GMDS: variants seen among roughly 807,000 people sequenced by gnomAD.
GMDS encodes the protein GDP-mannose 4,6 dehydratase.
A neutral mutation model predicts 49.9 loss-of-function variants in GMDS; 20 were observed. The observed-to-expected ratio is 0.40, with a 90% CI of 0.28 to 0.58. The LOEUF (loss-of-function observed/expected upper bound fraction) is 0.58. Among genes scored for constraint, GMDS ranks in the 20% least tolerant of loss-of-function variants. The probability of loss-of-function intolerance (pLI) is 0.42; values close to 1 mark genes in which losing one functional copy is unlikely to be tolerated. For missense variants in GMDS, 362 were observed against 481.4 expected (o/e 0.75, Z 2.32); for synonymous variants, 177 against 178.6 (o/e 0.99, Z 0.07).
At chr6:1,980,435 A>T (rs199870466) in intron 4 of GMDS, among the ~76,000 whole-genome samples, 1 of 116,936 alleles carries the variant, frequency 8.6e-6, no homozygotes, top group Non-Finnish European at 2.0e-5. Flanking sequence ...CAAAGATTAA[A>T]AAAAAAAAAG....
intron 1 of GMDS, among the ~76,000 whole-genome samples, chr6:2,157,248 T>G (rs1188776451): frequency 1.3e-5 from 2 of 152,222 alleles, no homozygotes; most frequent in African/African-American, 4.8e-5. Flanking sequence ...AGACTCTGCA[T>G]GTCTTACAGG....
At chr6:1,939,611 A>G (rs1373015293) in intron 6 of GMDS, among the ~76,000 whole-genome samples, 3 of 151,162 alleles carry the variant, frequency 2.0e-5, no homozygotes, top group Non-Finnish European at 4.4e-5. Context: ...ATACACATAC[A>G]CACACACAGA....
chr6:2,119,137 T>C (rs1399708774), intron 2 of GMDS, among the ~76,000 whole-genome samples: 1 of 152,126 alleles, frequency 6.6e-6, no homozygotes, highest in Non-Finnish European at 1.5e-5. Flanking sequence ...AGAATAACAA[T>C]AGTGTTATTT....
chr6:1,824,354 C>T (rs551175160), intron 7 of GMDS, among the ~76,000 whole-genome samples: 1 of 152,304 alleles, frequency 6.6e-6, no homozygotes, highest in East Asian at 1.9e-4. Context: ...TGCACTTCTA[C>T]ACTTTCTACA....
At chr6:1,754,534 C>A (rs973068934) in intron 7 of GMDS, among the ~76,000 whole-genome samples, 13 of 152,160 alleles carry the variant, frequency 8.5e-5, no homozygotes, top group African/African-American at 2.7e-4. Context: ...TTTTATGAGG[C>A]CAGCATCATC....
At chr6:2,187,808 T>C (rs916077668) in intron 1 of GMDS, among the ~76,000 whole-genome samples, 2 of 152,232 alleles carry the variant, frequency 1.3e-5, no homozygotes, top group Non-Finnish European at 2.9e-5. Flanking sequence ...AATTATTTTA[T>C]TCAAGGAGAC....
intron 2 of GMDS, among the ~76,000 whole-genome samples, chr6:2,119,588 T>A (rs1401368096): frequency 6.6e-6 from 1 of 152,204 alleles, no homozygotes; most frequent in Non-Finnish European, 1.5e-5. Context: ...AACTGCACAA[T>A]CTAGTTAAGA....
chr6:1,845,736 T>C (rs772929937), intron 7 of GMDS, among the ~76,000 whole-genome samples: 1 of 152,158 alleles, frequency 6.6e-6, no homozygotes, highest in Non-Finnish European at 1.5e-5. Context: ...GCGCATAACC[T>C]AGCTCTCTTG....
At chr6:2,068,569 C>T (rs987353279) in intron 4 of GMDS, among the ~76,000 whole-genome samples, 2 of 151,952 alleles carry the variant, frequency 1.3e-5, no homozygotes, top group African/African-American at 4.8e-5. Flanking sequence ...TCAGCAAAGT[C>T]TCAGGATACA....
chr6:2,151,884 T>G lies in GMDS; in HGVS notation c.103-27153A>C, dbSNP rs560688215. ...GATTTTTTCTTATGACAAATTAAAA[T>G]TAGATATAACTATTATTTTTAAATG... On this transcript the variant is annotated intron_variant, in intron 1 of 10. Coordinates refer to ENST00000380815, the MANE Select transcript of GMDS (RefSeq NM_001500.4). 4.1e-4 allele frequency among the ~76,000 whole-genome samples: 62 copies of G among 152,248 alleles called. 1 individual carries two copies. Among genetic ancestry groups the G allele is most frequent in the African/African-American group, 1.3e-3 (55 of 41,576 alleles).
At chr6:2,227,085 T>C (rs760301645) in intron 1 of GMDS, among the ~76,000 whole-genome samples, 1 of 152,110 alleles carries the variant, frequency 6.6e-6, no homozygotes, top group Non-Finnish European at 1.5e-5. Flanking sequence ...GTTGTTTTTT[T>C]TCCCCCTGAA....
At chr6:2,091,409 T>C (rs562780391) in intron 4 of GMDS, among the ~76,000 whole-genome samples, 17 of 152,194 alleles carry the variant, frequency 1.1e-4, no homozygotes, top group African/African-American at 4.1e-4. Context: ...ACAAGGACAG[T>C]GTAAGTAATT....
intron 7 of GMDS, among the ~76,000 whole-genome samples, chr6:1,750,099 G>A (rs1450559029): frequency 6.6e-6 from 1 of 152,136 alleles, no homozygotes; most frequent in African/African-American, 2.4e-5. Flanking sequence ...CCAAAGGGCT[G>A]GGACTAAAGG....
At chr6:1,662,129 T>C (rs1764099308) in intron 9 of GMDS, among the ~76,000 whole-genome samples, 1 of 152,206 alleles carries the variant, frequency 6.6e-6, no homozygotes, top group Non-Finnish European at 1.5e-5. Context: ...CCAGCACTTC[T>C]CGGTGCCTTC....
intron 4 of GMDS, among the ~76,000 whole-genome samples, chr6:2,046,973 TTTC>T (rs1770056270): frequency 6.6e-6 from 1 of 152,184 alleles, no homozygotes. Context: ...AGGAATTAGT[TTTC>T]TTTTTCTACT....
rs577307655 is a variant in GMDS, at chr6:1,837,221, A to G, written c.771+92882T>C. 2.6e-5 allele frequency among the ~76,000 whole-genome samples: 4 copies of G among 152,304 alleles called. No individual in the cohort carries two copies. In the East Asian group the frequency reaches 5.8e-4, roughly 22 times the overall value. ...ACCTGGGAAAGTACAAGATTCTTAA[A>G]TGTTTATTATAATTGTATGTCATCA... On this transcript the variant is annotated intron_variant, in intron 7 of 10. Coordinates refer to ENST00000380815, the MANE Select transcript of GMDS (RefSeq NM_001500.4).
At chr6:1,964,825 C>T (rs1027254499) in intron 4 of GMDS, among the ~76,000 whole-genome samples, 1 of 152,118 alleles carries the variant, frequency 6.6e-6, no homozygotes, top group African/African-American at 2.4e-5. Flanking sequence ...CTATCCCTCC[C>T]CCTACCCCAC....
chr6:1,869,690 C>A (rs374531257), intron 7 of GMDS, among the ~76,000 whole-genome samples: 5 of 152,316 alleles, frequency 3.3e-5, no homozygotes, highest in African/African-American at 7.2e-5. Context: ...AAAACACAGG[C>A]AGAAAGAAAC....
chr6:1,785,477 T>G (rs1769278939), intron 7 of GMDS, among the ~76,000 whole-genome samples: 1 of 152,214 alleles, frequency 6.6e-6, no homozygotes, highest in East Asian at 1.9e-4. Context: ...GCAGCTGTAC[T>G]TGTTGGAAAG....
Sources: allele counts gnomAD v4.1 joint callset (sites outside exome capture counted in the v4.1 genomes callset), GRCh38; gene constraint gnomAD v4.1.1; transcripts MANE v1.5; gene names NCBI Gene and HGNC (gene_info 2026-07-23, HGNC 2026-07-21).